SLIT2: variants seen among roughly 807,000 people sequenced by gnomAD.
The protein encoded by SLIT2 is slit guidance ligand 2.
Under a neutral mutation model 185.7 loss-of-function variants are expected in SLIT2, and 41 were observed. The ratio of observed to expected loss-of-function variants is 0.22; its 90% CI spans 0.17 to 0.29. SLIT2 has a LOEUF of 0.29. Among genes scored for constraint, SLIT2 ranks in the 10% least tolerant of loss-of-function variants. SLIT2 has a pLI of 1.00. For missense variants in SLIT2, 1,571 were observed against 1,909.0 expected, an observed-to-expected ratio of 0.82 and a Z score of 3.30; for synonymous variants, 693 against 680.2, an observed-to-expected ratio of 1.02 and a Z score of -0.29.
At chr4:20,485,007 A>G (rs1042908317) in intron 6 of SLIT2, among the ~76,000 whole-genome samples, 4 of 152,098 alleles carry the variant, frequency 2.6e-5, no homozygotes, top group Admixed American at 6.6e-5. Context: ...CCTAATTCAA[A>G]TCCTTGTCCA....
intron 3 of SLIT2, among the ~76,000 whole-genome samples, chr4:20,262,358 G>A (rs1712562225): frequency 6.6e-6 from 1 of 151,764 alleles, no homozygotes; most frequent in Non-Finnish European, 1.5e-5. Flanking sequence ...ATGAGTTCAA[G>A]TAGAGAATAT....
At position 20,466,007 on chromosome 4, in the gene SLIT2, G is replaced by A. The variant is rs187991026; in HGVS notation, c.396-1745G>A. The stretch of plus-strand genomic sequence containing the variant: ...TGAAGTGGAAAATTATAAGCGATTA[G>A]AAAACATGGAATTGGCGAAGACAGA... On this transcript the variant is annotated intron_variant, in intron 4 of 36. Coordinates refer to ENST00000504154, the MANE Select transcript of SLIT2 (RefSeq NM_004787.4). 4.5e-3 allele frequency among the ~76,000 whole-genome samples: 674 copies of A among 151,124 alleles called. 5 individuals are homozygous for A. The highest frequency in any genetic ancestry group is 0.016 in the African/African-American group (639 of 41,158).
At chr4:20,398,061 C>T (rs547946790) in intron 4 of SLIT2, among the ~76,000 whole-genome samples, 1 of 151,830 alleles carries the variant, frequency 6.6e-6, no homozygotes, top group East Asian at 1.9e-4. Flanking sequence ...AAGTCAGGTA[C>T]ATGAGGTACC....
chr4:20,437,518 G>T (rs1367871162), intron 4 of SLIT2, among the ~76,000 whole-genome samples: 1 of 152,110 alleles, frequency 6.6e-6, no homozygotes, highest in Non-Finnish European at 1.5e-5. Flanking sequence ...GAGAAGCTGG[G>T]GTGGGAGGAT....
intron 4 of SLIT2, among the ~76,000 whole-genome samples, chr4:20,317,173 T>C (rs573871960): frequency 5.3e-5 from 8 of 152,134 alleles, no homozygotes; most frequent in African/African-American, 1.9e-4. Flanking sequence ...TTTATTAACA[T>C]GCTACAATTC....
intron 3 of SLIT2, among the ~76,000 whole-genome samples, chr4:20,262,028 ATAT>A (rs1325575667): frequency 7.2e-5 from 11 of 151,826 alleles, no homozygotes; most frequent in Admixed American, 2.0e-4. Context: ...AGCTCTGAAA[ATAT>A]TATTATGATA....
At chr4:20,569,029 C>T in intron 29 of SLIT2, 25 bp downstream of exon 29, 2 of 1,603,706 alleles carry the variant, frequency 1.2e-6, no homozygotes, top group Non-Finnish European at 8.5e-7. Flanking sequence ...AAATATTTTG[C>T]CTTCCATCAG....
At chr4:20,269,717 C>T (rs1006186267) in intron 4 of SLIT2, among the ~76,000 whole-genome samples, 4 of 151,926 alleles carry the variant, frequency 2.6e-5, no homozygotes, top group Admixed American at 2.6e-4. Flanking sequence ...CATTAGCCCC[C>T]ACCTGGATGG....
rs553502394 is a variant in SLIT2, at chr4:20,522,682, A to G, written c.1131-1078A>G. Among the ~76,000 whole-genome samples the G allele has an allele frequency of 7.2e-4, 110 of 152,254 alleles. 1 individual carries two copies. The highest frequency in any genetic ancestry group is 2.4e-3 in the African/African-American group (99 of 41,532). Reference sequence around the variant, plus strand: ...GTTCCACAGAATATTGATATAATACATAGGGGAAAAAGGAGTTTGTGGGGA... The same window carrying G: ...GTTCCACAGAATATTGATATAATACGTAGGGGAAAAAGGAGTTTGTGGGGA... On this transcript the variant is annotated intron_variant, in intron 12 of 36. Transcript: ENST00000504154.
At chr4:20,487,018 G>A (rs1019618774) in intron 7 of SLIT2, among the ~76,000 whole-genome samples, 1 of 151,974 alleles carries the variant, frequency 6.6e-6, no homozygotes, top group African/African-American at 2.4e-5. Flanking sequence ...GTGTTTTTAA[G>A]TTGGGTAAAT....
At chr4:20,600,780 C>T (rs1056240078) in intron 33 of SLIT2, among the ~76,000 whole-genome samples, 4 of 151,868 alleles carry the variant, frequency 2.6e-5, no homozygotes, top group Non-Finnish European at 5.9e-5. Flanking sequence ...TTAATTATTG[C>T]CTTTTGGCTT....
chr4:20,455,146 T>G (rs1434663655), intron 4 of SLIT2, among the ~76,000 whole-genome samples: 1 of 152,116 alleles, frequency 6.6e-6, no homozygotes, highest in Non-Finnish European at 1.5e-5. Flanking sequence ...TCAATACCCA[T>G]TTTGAAAACA....
rs180921672 is a variant in SLIT2 at position 20,507,200 on chromosome 4, C to A, written c.915-3295C>A. On this transcript the variant is annotated intron_variant, in intron 9 of 36. Coordinates refer to ENST00000504154, the MANE Select transcript of SLIT2 (RefSeq NM_004787.4). ...TTTGTTTTATAACTTTCTGAGTATG[C>A]AGCATTTTCAAAAAACAAGGCCTTA... Among the ~76,000 whole-genome samples the A allele has an allele frequency of 5.0e-3, 754 of 151,908 alleles. 5 individuals are homozygous for A. The highest frequency in any genetic ancestry group is 8.4e-3 in the Non-Finnish European group (572 of 67,822).
chr4:20,430,064 G>A (rs756627996), intron 4 of SLIT2, among the ~76,000 whole-genome samples: 82 of 152,122 alleles, frequency 5.4e-4, no homozygotes, highest in Non-Finnish European at 1.0e-3. Flanking sequence ...AACATAAGAT[G>A]TTGGCTGTAT....
At chr4:20,518,186 C>T (rs1332760781) in intron 11 of SLIT2, among the ~76,000 whole-genome samples, 1 of 134,318 alleles carries the variant, frequency 7.4e-6, no homozygotes, top group African/African-American at 3.0e-5. Context: ...TATATATATA[C>T]ATATACATAC....
chr4:20,407,533 G>A (rs949818980), intron 4 of SLIT2, among the ~76,000 whole-genome samples: 2 of 152,064 alleles, frequency 1.3e-5, no homozygotes, highest in African/African-American at 2.4e-5. Context: ...CTCCTTCAGC[G>A]TTGCTACTTG....
intron 4 of SLIT2, among the ~76,000 whole-genome samples, chr4:20,463,448 G>GATAGATATATATATATATATAT (rs1459962322): frequency 1.3e-4 from 9 of 67,296 alleles, no homozygotes; most frequent in Non-Finnish European, 1.7e-4. Context: ...CTCAAACTGT[G>GATAGATATATATATATATATAT]ATATATATAT....
chr4:20,508,017 C>T (rs1022185699), intron 9 of SLIT2, among the ~76,000 whole-genome samples: 2 of 151,940 alleles, frequency 1.3e-5, no homozygotes, highest in African/African-American at 2.4e-5. Context: ...TCAAAACATT[C>T]TAATCAATAA....
intron 4 of SLIT2, among the ~76,000 whole-genome samples, chr4:20,355,900 T>G (rs963230753): frequency 5.3e-5 from 8 of 152,190 alleles, no homozygotes; most frequent in Non-Finnish European, 1.2e-4. Flanking sequence ...TATTAGGTCA[T>G]CTAATGTAAT....
Sources: gnomAD v4.1 joint callset for allele counts (sites outside exome capture counted in the v4.1 genomes callset) on GRCh38, gnomAD v4.1.1 for gene constraint, MANE v1.5 for transcripts, NCBI Gene and HGNC (gene_info 2026-07-23, HGNC 2026-07-21) for gene names.